EPHA4: variants seen among roughly 807,000 people sequenced by gnomAD.
EPHA4 encodes the protein EPH receptor A4, also known as ephrin type-A receptor 4.
In EPHA4, 19 loss-of-function variants were observed where a neutral mutation model predicts 108.3. The observed-to-expected ratio is 0.18, with a 90% CI of 0.12 to 0.26. The LOEUF (loss-of-function observed/expected upper bound fraction) is 0.26, where lower values mean the gene tolerates loss of function less well. EPHA4 is among the 10% of genes least tolerant of loss of function. The pLI is 1.00. For missense variants in EPHA4, 917 were observed against 1,254.0 expected, an observed-to-expected ratio of 0.73 and a Z score of 4.06; for synonymous variants, 449 against 455.5, an observed-to-expected ratio of 0.99 and a Z score of 0.18.
intron 15 of EPHA4, among the ~76,000 whole-genome samples, chr2:221,428,453 A>AAAGG (rs1689975890): frequency 6.6e-6 from 1 of 152,222 alleles, no homozygotes; most frequent in Non-Finnish European, 1.5e-5. Context: ...AGTGTATCTA[A>AAAGG]TACCTCAACT....
At chr2:221,531,390 G>A (rs987018230) in intron 3 of EPHA4, among the ~76,000 whole-genome samples, 3 of 151,970 alleles carry the variant, frequency 2.0e-5, no homozygotes, top group Non-Finnish European at 4.4e-5. Context: ...AAGTCAGCAT[G>A]CCTGGGACTC....
intron 17 of EPHA4, among the ~76,000 whole-genome samples, chr2:221,421,104 T>C (rs1235241488): frequency 6.6e-6 from 1 of 152,140 alleles, no homozygotes; most frequent in African/African-American, 2.4e-5. Context: ...GAGACCATCC[T>C]GGCTAACGTG....
chr2:221,536,310 T>C (rs1383654396), intron 3 of EPHA4, among the ~76,000 whole-genome samples: 1 of 152,178 alleles, frequency 6.6e-6, no homozygotes, highest in East Asian at 1.9e-4. Context: ...CCCTCTTGTA[T>C]TGTATTCCTC....
At chr2:221,483,209 T>A (rs1691883402) in intron 4 of EPHA4, among the ~76,000 whole-genome samples, 1 of 152,178 alleles carries the variant, frequency 6.6e-6, no homozygotes, top group African/African-American at 2.4e-5. Context: ...AGGGTTAAGC[T>A]GTTTATGGGT....
Position 221,429,067 on chromosome 2 carries a change from G to A in EPHA4, c.2690+891C>T, listed in dbSNP as rs532539249. On this transcript the variant is annotated intron_variant, in intron 15 of 17. Coordinates refer to ENST00000281821, the MANE Select transcript of EPHA4 (RefSeq NM_004438.5). ...AACACAGGATCATGATGAAACAGAA[G>A]CCTGTGAGAAGCTCAGACTTGGAGA... Among the ~76,000 whole-genome samples the A allele has an allele frequency of 2.8e-4, 42 of 152,272 alleles. 1 individual carries two copies. In the East Asian group the frequency reaches 7.5e-3, roughly 27 times the overall value.
chr2:221,526,368 C>T (rs1191770628), intron 3 of EPHA4, among the ~76,000 whole-genome samples: 4 of 152,090 alleles, frequency 2.6e-5, no homozygotes, highest in African/African-American at 9.7e-5. Context: ...TAATAAGTGA[C>T]AGTGTCAGGA....
chr2:221,572,399 C>T, upstream of EPHA4: 1 of 592,726 alleles, frequency 1.7e-6, no homozygotes, highest in Non-Finnish European at 2.8e-6. Flanking sequence ...CCAATGGCGG[C>T]GCAGACAGGG....
intron 3 of EPHA4, among the ~76,000 whole-genome samples, chr2:221,558,458 A>C (rs974003316): frequency 1.3e-5 from 2 of 152,086 alleles, no homozygotes; most frequent in African/African-American, 4.8e-5. Context: ...TAACTAGTAA[A>C]GTTCAGTTAT....
intron 17 of EPHA4, 24 bp from the exon 18 acceptor site, chr2:221,420,576 T>C (rs556531018): frequency 6.6e-6 from 1 of 152,332 alleles, no homozygotes; most frequent in Non-Finnish European, 1.5e-5. Context: ...AGCAAGACTT[T>C]AGACAAAACG....
chr2:221,502,688 C>G (rs1692518677), intron 3 of EPHA4: 1 of 438,378 alleles, frequency 2.3e-6, no homozygotes, highest in South Asian at 1.7e-5. Context: ...CTTAATCATA[C>G]TCTTGTAATG....
intron 5 of EPHA4, among the ~76,000 whole-genome samples, chr2:221,470,799 C>T (rs1691459549): frequency 1.3e-5 from 2 of 152,048 alleles, no homozygotes. Flanking sequence ...CAAATGGTCA[C>T]CACATGCTAC....
intron 4 of EPHA4, among the ~76,000 whole-genome samples, chr2:221,489,765 A>T (rs1692084626): frequency 6.6e-6 from 1 of 152,112 alleles, no homozygotes; most frequent in South Asian, 2.1e-4. Context: ...TCTGGTAGAA[A>T]CTCAATAAAT....
At chr2:221,433,185 TCTAA>T (rs546870617) in intron 14 of EPHA4, among the ~76,000 whole-genome samples, 354 of 152,284 alleles carry the variant, frequency 2.3e-3, no homozygotes, top group African/African-American at 8.1e-3. Flanking sequence ...TGCACGTGGC[TCTAA>T]CTGTCAAGGC....
chr2:221,467,505 C>A (rs896573024), intron 5 of EPHA4, among the ~76,000 whole-genome samples: 1 of 152,206 alleles, frequency 6.6e-6, no homozygotes, highest in African/African-American at 2.4e-5. Context: ...GCTTTTGCAA[C>A]TTTTTAATCA....
At chr2:221,424,415 G>C (rs760470021) in intron 17 of EPHA4, among the ~76,000 whole-genome samples, 6 of 151,414 alleles carry the variant, frequency 4.0e-5, no homozygotes, top group Non-Finnish European at 7.4e-5. Context: ...TACAACCAAG[G>C]GGAAAGAAAG....
intron 14 of EPHA4, among the ~76,000 whole-genome samples, chr2:221,433,620 C>T (rs1359760304): frequency 1.3e-5 from 2 of 152,006 alleles, no homozygotes; most frequent in South Asian, 2.1e-4. Flanking sequence ...TACTCCCTTA[C>T]GAAGTAGTCC....
chr2:221,480,272 A>C (rs1431724007), intron 5 of EPHA4, among the ~76,000 whole-genome samples: 2 of 152,026 alleles, frequency 1.3e-5, no homozygotes, highest in Admixed American at 1.3e-4. Flanking sequence ...TGCCAAGGAG[A>C]ATGACTTCAC....
chr2:221,548,504 A>G (rs967658267), intron 3 of EPHA4, among the ~76,000 whole-genome samples: 5 of 152,052 alleles, frequency 3.3e-5, no homozygotes, highest in African/African-American at 1.2e-4. Flanking sequence ...TGCTGAGGCC[A>G]TGCTTTCTGT....
intron 3 of EPHA4, among the ~76,000 whole-genome samples, chr2:221,560,980 C>G (rs143698962): frequency 1.3e-5 from 2 of 152,146 alleles, no homozygotes; most frequent in Admixed American, 1.3e-4. Context: ...CGGTGGCTCA[C>G]GCCTGTAATC....
Sources: gnomAD v4.1 joint callset for allele counts (sites outside exome capture counted in the v4.1 genomes callset) on GRCh38, gnomAD v4.1.1 for gene constraint, MANE v1.5 for transcripts, NCBI Gene and HGNC (gene_info 2026-07-23, HGNC 2026-07-21) for gene names.